BARD1: variants seen among roughly 807,000 people sequenced by gnomAD.
The protein encoded by BARD1 is BRCA1-associated RING domain protein 1.
In BARD1, 73 loss-of-function variants were observed where a neutral mutation model predicts 77.0. The observed-to-expected ratio is 0.95, with a 90% CI of 0.79 to 1.15. The LOEUF (loss-of-function observed/expected upper bound fraction) is 1.15, where lower values mean the gene tolerates loss of function less well. Among genes scored for constraint, BARD1 ranks in the 50% most tolerant of loss-of-function variants. BARD1 has a pLI of 0.00. For synonymous variants in BARD1, 384 were observed against 338.0 expected (o/e 1.14, Z -1.49); for missense variants, 993 against 938.8 (o/e 1.06, Z -0.75).
intron 1 of BARD1, among the ~76,000 whole-genome samples, chr2:214,799,034 T>C (rs1293399144): frequency 2.6e-5 from 4 of 152,266 alleles, no homozygotes; most frequent in African/African-American, 9.6e-5. Flanking sequence ...CAAGAATCAC[T>C]TGAACCTGGA....
chr2:214,767,404 TAA>T, intron 6 of BARD1, 76 bp downstream of exon 6: 1 of 1,419,208 alleles, frequency 7.0e-7, no homozygotes, highest in East Asian at 2.3e-5. Flanking sequence ...TTGACTATTT[TAA>T]AGTCTGCTTT....
At chr2:214,759,506 C>T (rs1161207413) in intron 6 of BARD1, among the ~76,000 whole-genome samples, 4 of 151,994 alleles carry the variant, frequency 2.6e-5, no homozygotes, top group Non-Finnish European at 5.9e-5. Flanking sequence ...ACAGAACTGA[C>T]TTTCTTATTG....
intron 4 of BARD1, among the ~76,000 whole-genome samples, chr2:214,769,839 A>G (rs1329384251): frequency 6.6e-6 from 1 of 152,244 alleles, no homozygotes; most frequent in Non-Finnish European, 1.5e-5. Context: ...ATCTATTAGA[A>G]AGCCATATTC....
intron 3 of BARD1, among the ~76,000 whole-genome samples, chr2:214,782,474 T>A (rs1574823834): frequency 6.6e-6 from 1 of 151,664 alleles, no homozygotes; most frequent in East Asian, 1.9e-4. Flanking sequence ...ATATTTTTTC[T>A]ACATATATAT....
intron 5 of BARD1, among the ~76,000 whole-genome samples, chr2:214,767,933 C>T (rs71579849): frequency 6.6e-6 from 1 of 151,710 alleles, no homozygotes; most frequent in Non-Finnish European, 1.5e-5. Flanking sequence ...TAGTTTTAAA[C>T]CAACGGTAGC....
At chr2:214,732,197 T>G (rs1692384534) in intron 9 of BARD1, among the ~76,000 whole-genome samples, 1 of 152,192 alleles carries the variant, frequency 6.6e-6, no homozygotes, top group Non-Finnish European at 1.5e-5. Flanking sequence ...AACAGTAAAT[T>G]GATTCCAACA....
intron 9 of BARD1, among the ~76,000 whole-genome samples, chr2:214,739,924 C>CA (rs1477214802): frequency 6.6e-6 from 1 of 151,842 alleles, no homozygotes; most frequent in Non-Finnish European, 1.5e-5. Flanking sequence ...AATTCTATTG[C>CA]AAAAATATAT....
intron 4 of BARD1, among the ~76,000 whole-genome samples, chr2:214,780,279 AG>A (rs1466789205): frequency 6.6e-6 from 1 of 152,198 alleles, no homozygotes; most frequent in Non-Finnish European, 1.5e-5. Flanking sequence ...TAAAAACTGA[AG>A]GTAAAATAGA....
At position 214,726,118 on chromosome 2, in the gene BARD1, T is replaced by C; in HGVS notation, c.*2558A>G. On this transcript the variant is annotated 3_prime_UTR_variant, in exon 11 of 11. Coordinates refer to ENST00000260947, the MANE Select transcript of BARD1 (RefSeq NM_000465.4). Reference sequence around the variant, plus strand: ...AAATTCAAGTAGCTAAACTATCTTTTAGGTGAAGTCAGTGAAAACCTTCAC... The same window carrying C: ...AAATTCAAGTAGCTAAACTATCTTTCAGGTGAAGTCAGTGAAAACCTTCAC... The C allele has an allele frequency of 4.6e-6, 1 of 218,756 alleles. No homozygotes were observed. The highest frequency in any genetic ancestry group is 9.2e-6 in the Non-Finnish European group (1 of 108,950). The allele number at this position is 218,756 out of a possible 1,614,324, so 13.6% of individuals were successfully genotyped here. A position where few individuals can be genotyped will look rare whatever the true frequency, so the allele number is the denominator to read the frequency against.
Position 214,728,621 on chromosome 2 carries a change from C to A in BARD1, c.*55G>T. 6.5e-7 allele frequency: 1 copy of A among 1,542,268 alleles called. No homozygotes were observed. On this transcript the variant is annotated 3_prime_UTR_variant, in exon 11 of 11. Coordinates refer to ENST00000260947, the MANE Select transcript of BARD1 (RefSeq NM_000465.4). The stretch of plus-strand genomic sequence containing the variant: ...GTGAACATTAAAAACAGTACAATGA[C>A]TGGGCTCTCACAAACCGTGCAAATT...
intron 7 of BARD1, among the ~76,000 whole-genome samples, chr2:214,751,444 C>T (rs954192923): frequency 2.0e-5 from 3 of 151,466 alleles, no homozygotes; most frequent in Non-Finnish European, 4.4e-5. Context: ...ATTACAGGTG[C>T]GATCCACTGC....
intron 7 of BARD1, among the ~76,000 whole-genome samples, chr2:214,750,711 G>T (rs1026928361): frequency 6.6e-6 from 1 of 152,084 alleles, no homozygotes; most frequent in Non-Finnish European, 1.5e-5. Context: ...AAGACACAGG[G>T]GAAGTCCACG....
intron 1 of BARD1, among the ~76,000 whole-genome samples, chr2:214,807,311 CTCCGTT>C (rs983877629): frequency 2.3e-4 from 35 of 152,126 alleles, no homozygotes; most frequent in African/African-American, 8.4e-4. Flanking sequence ...TCTGTTTACA[CTCCGTT>C]GCCTCTTACT....
chr2:214,800,674 C>G (rs1014152083), intron 1 of BARD1, among the ~76,000 whole-genome samples: 5 of 151,964 alleles, frequency 3.3e-5, no homozygotes, highest in African/African-American at 9.7e-5. Context: ...TAGATACTTG[C>G]AAAAATGAAA....
At chr2:214,730,260 A>G in intron 10 of BARD1, 151 bp downstream of exon 10, 1 of 701,554 alleles carries the variant, frequency 1.4e-6, no homozygotes, top group South Asian at 1.6e-5. Flanking sequence ...GCTCATCGTG[A>G]TCATCTTTCA....
intron 4 of BARD1, among the ~76,000 whole-genome samples, chr2:214,771,172 T>C (rs1158995477): frequency 6.6e-6 from 1 of 152,086 alleles, no homozygotes. Context: ...CAGGGCAGGG[T>C]ACAGTACCTA....
At chr2:214,766,838 T>C (rs903864896) in intron 6 of BARD1, among the ~76,000 whole-genome samples, 2 of 152,320 alleles carry the variant, frequency 1.3e-5, no homozygotes, top group Non-Finnish European at 2.9e-5. Context: ...ACTTTTATTC[T>C]AGGTTTTTAT....
At chr2:214,749,782 C>A (rs1038123518) in intron 7 of BARD1, among the ~76,000 whole-genome samples, 1 of 147,392 alleles carries the variant, frequency 6.8e-6, no homozygotes, top group Non-Finnish European at 1.5e-5. Context: ...AAAAAACAAC[C>A]TTTTTTTTTT....
intron 1 of BARD1, among the ~76,000 whole-genome samples, chr2:214,806,553 G>A (rs1241694690): frequency 6.6e-6 from 1 of 152,094 alleles, no homozygotes; most frequent in Non-Finnish European, 1.5e-5. Context: ...ACCTACAGAG[G>A]AAAGCAAAAT....
Sources: gnomAD v4.1 joint callset for allele counts (sites outside exome capture counted in the v4.1 genomes callset) on GRCh38, gnomAD v4.1.1 for gene constraint, MANE v1.5 for transcripts, NCBI Gene and HGNC (gene_info 2026-07-23, HGNC 2026-07-21) for gene names.